CLIP2: variants seen among roughly 807,000 people sequenced by gnomAD.
The protein encoded by CLIP2 is CAP-Gly domain-containing linker protein 2.
CLIP2 carries 41 observed loss-of-function variants against 111.7 expected under a neutral mutation model. The ratio of observed to expected loss-of-function variants is 0.37; its 90% CI spans 0.29 to 0.48. The LOEUF (loss-of-function observed/expected upper bound fraction) is 0.48, where lower values mean the gene tolerates loss of function less well. Ranked by LOEUF, CLIP2 falls within the 20% of genes least tolerant of loss-of-function variation. CLIP2 has a pLI of 0.99. For synonymous variants in CLIP2, 660 were observed against 644.2 expected (o/e 1.02, Z -0.37); for missense variants, 1,160 against 1,422.1 (o/e 0.82, Z 2.96).
intron 7 of CLIP2, among the ~76,000 whole-genome samples, chr7:74,360,699 C>G (rs1433985425): frequency 2.6e-5 from 4 of 152,012 alleles, no homozygotes; most frequent in South Asian, 2.1e-4. Context: ...CACAGGCGTC[C>G]CCCACCACGC....
At chr7:74,351,940 G>T (rs1584352230) in intron 3 of CLIP2, among the ~76,000 whole-genome samples, 1 of 152,196 alleles carries the variant, frequency 6.6e-6, no homozygotes, top group Non-Finnish European at 1.5e-5. Context: ...GCAAGCCCAG[G>T]ACAGAGGTGA....
At chr7:74,389,950 C>G (rs1197667773) in intron 13 of CLIP2, among the ~76,000 whole-genome samples, 1 of 148,398 alleles carries the variant, frequency 6.7e-6, no homozygotes, top group Admixed American at 6.8e-5. Context: ...TTAGCCAAGC[C>G]TGGTGGTATG....
chr7:74,390,232 T>A (rs1250551028), intron 13 of CLIP2, among the ~76,000 whole-genome samples: 4 of 145,344 alleles, frequency 2.8e-5, no homozygotes, highest in Non-Finnish European at 4.6e-5. Context: ...AAAGGATTAA[T>A]GCCTCCCCAA....
In CLIP2 at chr7:74,376,969, A is replaced by G. The variant is rs2116658910; in HGVS notation, c.2421+147A>G. 1.2e-6 allele frequency: 1 copy of G among 808,476 alleles called. No homozygotes were observed. Among genetic ancestry groups the G allele is most frequent in the Non-Finnish European group, 1.9e-6 (1 of 528,244 alleles). The allele number at this position is 808,476 out of a possible 1,614,324, so 50.1% of individuals were successfully genotyped here. ...AGTCAAGGAAGGGGTCACCTGGCTT[A>G]GAGGAGGAGGAGCTCCTTGGCCCTC... On this transcript the variant is annotated intron_variant, in intron 10 of 16. Coordinates refer to ENST00000223398, the MANE Select transcript of CLIP2 (RefSeq NM_003388.5). This position sits in a 1 kb window ranked among gnomAD's most constrained non-coding sequence, Gnocchi z 7.1.
At chr7:74,325,025 C>T (rs1302160454) in intron 2 of CLIP2, among the ~76,000 whole-genome samples, 4 of 152,118 alleles carry the variant, frequency 2.6e-5, no homozygotes, top group African/African-American at 9.7e-5. Flanking sequence ...TGGCAGAGGC[C>T]GGGGCCTGGC....
At chr7:74,332,956 C>T (rs1789336756) in intron 2 of CLIP2, among the ~76,000 whole-genome samples, 3 of 152,242 alleles carry the variant, frequency 2.0e-5, no homozygotes, top group Non-Finnish European at 4.4e-5. Flanking sequence ...CCCACCTCCA[C>T]AGGCAGGGCA....
At chr7:74,394,787 C>G (rs1199598159) in intron 13 of CLIP2, among the ~76,000 whole-genome samples, 1 of 151,872 alleles carries the variant, frequency 6.6e-6, no homozygotes, top group Non-Finnish European at 1.5e-5. Flanking sequence ...GCAGCCTGTG[C>G]CTTTTCCAGT....
At chr7:74,386,339 C>T in intron 11 of CLIP2, 182 bp from the exon 12 acceptor site, 1 of 514,140 alleles carries the variant, frequency 1.9e-6, no homozygotes. Context: ...CACGCCCGGC[C>T]AGTGTCAGGT....
chr7:74,362,947 C>CA (rs1260560795), intron 7 of CLIP2, among the ~76,000 whole-genome samples: 2 of 151,758 alleles, frequency 1.3e-5, no homozygotes, highest in Admixed American at 6.6e-5. Flanking sequence ...CTCTGGGCCT[C>CA]ATTCCTCATT....
chr7:74,348,527 C>T (rs1052711224), intron 3 of CLIP2, among the ~76,000 whole-genome samples: 1 of 151,812 alleles, frequency 6.6e-6, no homozygotes, highest in Non-Finnish European at 1.5e-5. Context: ...CGGTGGCTCA[C>T]GCCTGTAATC....
chr7:74,391,933 A>T (rs1791302424), intron 13 of CLIP2, among the ~76,000 whole-genome samples: 1 of 152,062 alleles, frequency 6.6e-6, no homozygotes, highest in African/African-American at 2.4e-5. Context: ...CTGGCATGGC[A>T]TGGTGGCTCA....
intron 1 of CLIP2, among the ~76,000 whole-genome samples, chr7:74,299,684 T>C (rs1437325635): frequency 6.7e-6 from 1 of 149,818 alleles, no homozygotes; most frequent in Non-Finnish European, 1.5e-5. Flanking sequence ...GGGTGCTGAC[T>C]CGAGGCCCTT....
chr7:74,320,336 A>C (rs1239219488), intron 2 of CLIP2, among the ~76,000 whole-genome samples: 2 of 151,990 alleles, frequency 1.3e-5, no homozygotes, highest in Non-Finnish European at 2.9e-5. Context: ...GTCCAGCCTG[A>C]GCAACACAGC....
intron 2 of CLIP2, among the ~76,000 whole-genome samples, chr7:74,320,918 G>A (rs537530301): frequency 2.0e-5 from 3 of 151,058 alleles, no homozygotes; most frequent in East Asian, 2.0e-4. Flanking sequence ...AAGGGCACCC[G>A]CCCAGCCCAA....
In CLIP2 at chr7:74,356,464, C is replaced by T. The variant is rs1554308486; in HGVS notation, c.858C>T (p.Ile286=). 6 of 1,614,206 alleles carry T rather than the reference C, an allele frequency of 3.7e-6. No homozygotes were observed. Among genetic ancestry groups the T allele is most frequent in the Non-Finnish European group, 5.1e-6 (6 of 1,180,046 alleles). ...TCTTCGCGCCCATCCACAAAGTGAT[C>T]CGTATCGGCTTCCCATCTACCAGCC... is the stretch of plus-strand genomic sequence containing the variant. ...FGLFAPIHKV[I]RIGFPSTSPA... The change falls in exon 5 of 17, where the codon ATC becomes ATT. Residue 286 remains isoleucine (I), a synonymous_variant. Transcript: ENST00000223398.
intron 6 of CLIP2, among the ~76,000 whole-genome samples, chr7:74,359,440 GC>G (rs1181672252): frequency 6.9e-6 from 1 of 144,072 alleles, no homozygotes; most frequent in Non-Finnish European, 1.5e-5. Context: ...TGCAAGCTCC[GC>G]CCCCCAGGTT....
At chr7:74,323,081 TTTTATTTATTTATTTA>T (rs58819810) in intron 2 of CLIP2, among the ~76,000 whole-genome samples, 18,802 of 144,868 alleles carry the variant, frequency 0.13, 2,590 homozygotes, top group African/African-American at 0.33. Context: ...TTTAGCTATG[TTTTATTTATTTATTTA>T]TTTATTTATT....
At chr7:74,364,996 TGTGTGTGTG>T (rs1562712168) in intron 8 of CLIP2, 14 of 14,778 alleles carry the variant, frequency 9.5e-4, no homozygotes, top group South Asian at 6.5e-3. Flanking sequence ...TTTTTTGTTG[TGTGTGTGTG>T]TGTGTGTGTG....
chr7:74,320,680 G>C (rs1466807606), intron 2 of CLIP2, among the ~76,000 whole-genome samples: 1 of 152,188 alleles, frequency 6.6e-6, no homozygotes, highest in East Asian at 1.9e-4. Context: ...TTATCCGGGG[G>C]AGGGAAGGGC....
Sources: gnomAD v4.1 joint callset for allele counts (sites outside exome capture counted in the v4.1 genomes callset) on GRCh38, gnomAD v4.1.1 for gene constraint, Gnocchi (gnomAD v3.1) non-coding constraint, MANE v1.5 for transcripts, NCBI Gene and HGNC (gene_info 2026-07-23, HGNC 2026-07-21) for gene names.